The following DPP6 variants were observed in gnomAD, a reference collection of about 807,000 sequenced individuals.
DPP6 encodes dipeptidyl peptidase like 6.
DPP6 carries 69 observed loss-of-function variants against 122.6 expected under a neutral mutation model. The observed-to-expected ratio is 0.56, with a 90% CI of 0.46 to 0.69. The LOEUF (loss-of-function observed/expected upper bound fraction) is 0.69, where lower values mean the gene tolerates loss of function less well. Among genes scored for constraint, DPP6 ranks in the 30% least tolerant of loss-of-function variants. The pLI is 0.00. For missense variants in DPP6, 928 were observed against 1,116.9 expected, an observed-to-expected ratio of 0.83 and a Z score of 2.41; for synonymous variants, 418 against 433.1, an observed-to-expected ratio of 0.97 and a Z score of 0.43.
chr7:154,537,356 T>G (rs1288803220), intron 3 of DPP6, among the ~76,000 whole-genome samples: 1 of 152,216 alleles, frequency 6.6e-6, no homozygotes, highest in African/African-American at 2.4e-5. Flanking sequence ...ATACCATTTT[T>G]ACACCCACTG....
intron 3 of DPP6, among the ~76,000 whole-genome samples, chr7:154,537,677 T>G: frequency 7.5e-6 from 1 of 134,118 alleles, no homozygotes. Flanking sequence ...GCAACAAGAG[T>G]GAAACTCCGT....
intron 1 of DPP6, among the ~76,000 whole-genome samples, chr7:154,266,007 G>T (rs1803395705): frequency 1.3e-5 from 2 of 152,132 alleles, no homozygotes; most frequent in Non-Finnish European, 2.9e-5. Context: ...GCAAACCATG[G>T]TGAGACATTG....
At position 154,484,073 on chromosome 7, in the gene DPP6, T is replaced by C. The variant is rs1823577115; in HGVS notation, c.457+9036T>C. ...TACAAGGCCAACTGGCTTTGTCTCC[T>C]TGAGGATTCTTTAGGCCTTTTAACT... On this transcript the variant is annotated intron_variant, in intron 3 of 25. Transcript: ENST00000377770. Among the ~76,000 whole-genome samples the C allele has an allele frequency of 2.0e-5, 3 of 152,340 alleles. No individual in the cohort carries two copies. The South Asian group carries it at 6.2e-4, about 32-fold the overall frequency.
chr7:153,992,472 T>C (rs1416231702), intron 1 of DPP6, among the ~76,000 whole-genome samples: 3 of 151,956 alleles, frequency 2.0e-5, no homozygotes, highest in Non-Finnish European at 4.4e-5. Flanking sequence ...AGTGTAAGTG[T>C]GGTGTCCTAT....
At chr7:154,824,603 A>G (rs1800022914) in intron 16 of DPP6, among the ~76,000 whole-genome samples, 1 of 152,218 alleles carries the variant, frequency 6.6e-6, no homozygotes, top group Non-Finnish European at 1.5e-5. Flanking sequence ...AATGCTTAGT[A>G]AAATGAATTA....
At chr7:153,870,602 C>T in the DPP6 span, among the ~76,000 whole-genome samples, 1 of 152,196 alleles carries the variant, frequency 6.6e-6, no homozygotes, top group Non-Finnish European at 1.5e-5. Context: ...CAAACTTCCT[C>T]CTTTAGCTCA....
At chr7:154,062,779 C>G in intron 1 of DPP6, among the ~76,000 whole-genome samples, 1 of 99,724 alleles carries the variant, frequency 1.0e-5, no homozygotes, top group Non-Finnish European at 2.0e-5. Flanking sequence ...ACCCCTGGTT[C>G]CCCCACTGGC....
intron 1 of DPP6, among the ~76,000 whole-genome samples, chr7:154,383,458 G>A (rs1023852867): frequency 2.6e-5 from 4 of 152,126 alleles, no homozygotes; most frequent in African/African-American, 4.8e-5. Flanking sequence ...TTTCACCGTC[G>A]AGGGCATGTT....
rs1249337976 is a variant in DPP6 at position 153,918,462 on chromosome 7, ACACACT to A, written c.51+30730_51+30735del. On this transcript the variant is annotated intron_variant, in intron 1 of 25. Transcript: ENST00000404039. ...CACACACACACACACACACACACAC[ACACACT>A]CTCTCTCTCTCTCTCTCTCTCTTTT... 8.9e-3 allele frequency among the ~76,000 whole-genome samples: 713 copies of A among 80,208 alleles called. 4 individuals carry two copies. Among genetic ancestry groups the A allele is most frequent in the South Asian group, 0.045 (94 of 2,082 alleles). 52.6% of individuals were successfully genotyped at this position (80,208 alleles called of 152,430 possible). A position where few individuals can be genotyped will look rare whatever the true frequency, so the allele number is the denominator to read the frequency against.
intron 1 of DPP6, among the ~76,000 whole-genome samples, chr7:154,168,833 A>G (rs1797386872): frequency 6.6e-6 from 1 of 152,256 alleles, no homozygotes; most frequent in Non-Finnish European, 1.5e-5. Flanking sequence ...CTTTACAAGC[A>G]TTTCTATTAA....
the DPP6 span, among the ~76,000 whole-genome samples, chr7:153,755,196 A>G: frequency 2.0e-5 from 3 of 150,790 alleles, no homozygotes; most frequent in South Asian, 6.3e-4. Context: ...CAACTCAAAT[A>G]CAAGTTTTGT....
intron 1 of DPP6, among the ~76,000 whole-genome samples, chr7:154,080,871 C>T (rs1302538587): frequency 3.3e-5 from 5 of 152,160 alleles, no homozygotes; most frequent in Admixed American, 3.3e-4. Flanking sequence ...ATTGGCCATC[C>T]CCTCATGAGG....
intron 1 of DPP6, among the ~76,000 whole-genome samples, chr7:154,278,895 A>ATG (rs1491017161): frequency 1.4e-5 from 2 of 146,460 alleles, no homozygotes; most frequent in Admixed American, 1.3e-4. Flanking sequence ...ATGTGTGTAT[A>ATG]TGTGTGTGCA....
At chr7:154,459,224 C>T (rs1821059523) in intron 2 of DPP6, among the ~76,000 whole-genome samples, 1 of 151,544 alleles carries the variant, frequency 6.6e-6, no homozygotes, top group South Asian at 2.1e-4. Flanking sequence ...TAAGTAACCC[C>T]TTACAATGTG....
At chr7:154,883,002 G>A in intron 21 of DPP6, among the ~76,000 whole-genome samples, 1 of 151,906 alleles carries the variant, frequency 6.6e-6, no homozygotes, top group Non-Finnish European at 1.5e-5. Flanking sequence ...CATGCTCACA[G>A]ACTCACATAC....
At chr7:154,036,972 C>T (rs537661334) in intron 1 of DPP6, among the ~76,000 whole-genome samples, 286 of 152,282 alleles carry the variant, frequency 1.9e-3, no homozygotes, top group African/African-American at 6.5e-3. Flanking sequence ...TATCCCAAGG[C>T]AAAAGGAAAT....
chr7:153,834,546 C>G, the DPP6 span, among the ~76,000 whole-genome samples: 5 of 152,118 alleles, frequency 3.3e-5, no homozygotes, highest in South Asian at 8.3e-4. Flanking sequence ...AGCCCAGCAG[C>G]ATGTCACGCA....
intron 7 of DPP6, among the ~76,000 whole-genome samples, chr7:154,675,143 G>A (rs207468856): frequency 2.6e-5 from 4 of 152,032 alleles, no homozygotes; most frequent in Admixed American, 2.6e-4. Flanking sequence ...TCACTCATAG[G>A]TGGGAATTGA....
At chr7:153,865,680 T>G in the DPP6 span, among the ~76,000 whole-genome samples, 2 of 152,188 alleles carry the variant, frequency 1.3e-5, no homozygotes, top group African/African-American at 4.8e-5. Context: ...TATTTAAGTT[T>G]TAGGGTACAT....
Sources: gnomAD v4.1 joint callset for allele counts (sites outside exome capture counted in the v4.1 genomes callset) on GRCh38, gnomAD v4.1.1 for gene constraint, MANE v1.5 for transcripts, NCBI Gene and HGNC (gene_info 2026-07-23, HGNC 2026-07-21) for gene names.